The following RFX8 variants were observed in gnomAD, a reference collection of about 807,000 sequenced individuals.
The protein encoded by RFX8 is DNA-binding protein RFX8.
In RFX8, 46 loss-of-function variants were observed where a neutral mutation model predicts 54.6. The ratio of observed to expected loss-of-function variants is 0.84; its 90% CI spans 0.67 to 1.08. The LOEUF (loss-of-function observed/expected upper bound fraction) is 1.08, where lower values mean the gene tolerates loss of function less well. Ranked by LOEUF, RFX8 falls within the 50% of genes least tolerant of loss-of-function variation. The pLI, the probability that RFX8 is intolerant of heterozygous loss-of-function variation, is 0.00. For missense variants in RFX8, 536 were observed against 562.3 expected, an observed-to-expected ratio of 0.95 and a Z score of 0.47; for synonymous variants, 192 against 209.5, an observed-to-expected ratio of 0.92 and a Z score of 0.72.
chr2:101,411,495 G>A (rs961306681), intron 8 of RFX8, among the ~76,000 whole-genome samples: 1 of 9,350 alleles, frequency 1.1e-4, no homozygotes, highest in Non-Finnish European at 4.3e-3. Context: ...GAAGGCACCG[G>A]GCGGGGGAGG....
intron 2 of RFX8, among the ~76,000 whole-genome samples, chr2:101,431,858 G>T (rs938997874): frequency 6.6e-6 from 1 of 152,182 alleles, no homozygotes. Context: ...CTGAAGGGAC[G>T]TGCCTGCCAT....
Position 101,466,743 on chromosome 2 carries a change from G to C in RFX8, c.72+34C>G, listed in dbSNP as rs1360856039. The C allele has an allele frequency of 2.1e-6, 3 of 1,456,320 alleles. No homozygotes were observed. In the Admixed American group the frequency reaches 6.0e-5, roughly 29 times the overall value. 90.2% of individuals were successfully genotyped at this position (1,456,320 alleles called of 1,614,324 possible). A position where few individuals can be genotyped will look rare whatever the true frequency, so the allele number is the denominator to read the frequency against. The stretch of plus-strand genomic sequence containing the variant: ...AACTTGCTTCCCTTTTTTGCACTCA[G>C]TGAATAGAGCGTTCTTAATCTTCAA... On this transcript the variant is annotated intron_variant, in intron 2 of 11. Transcript: ENST00000428343.
At chr2:101,400,304 C>T (rs1399224523) in intron 11 of RFX8, among the ~76,000 whole-genome samples, 2 of 152,174 alleles carry the variant, frequency 1.3e-5, no homozygotes, top group African/African-American at 4.8e-5. Context: ...TTAGCAAGAA[C>T]CCTGCTGAGT....
Position 101,464,845 on chromosome 2 carries a change from A to AAAGAACTTTTTGCTATGTTTG in RFX8, c.72+1931_72+1932insCAAACATAGCAAAAAGTTCTT, listed in dbSNP as rs569738385. On this transcript the variant is annotated intron_variant, in intron 2 of 11. Transcript: ENST00000428343. ...TAAAAAGATCTTTAAAAGTTCGTGG[A>AAAGAACTTTTTGCTATGTTTG]AAAGAGTTTTTGCTATGTTAGAAAA... 2.7e-3 allele frequency among the ~76,000 whole-genome samples: 405 copies of AAAGAACTTTTTGCTATGTTTG among 152,278 alleles called. 11 individuals carry two copies. The East Asian group carries it at 0.055, about 21-fold the overall frequency.
intron 2 of RFX8, among the ~76,000 whole-genome samples, chr2:101,439,596 C>CTTTTTTTTTTTTTTTTTTTTTT (rs139433618): frequency 7.0e-6 from 1 of 143,604 alleles, no homozygotes; most frequent in African/African-American, 2.6e-5. Flanking sequence ...GATTGAAGTT[C>CTTTTTTTTTTTTTTTTTTTTTT]ATTTTTTTTT....
intron 2 of RFX8, among the ~76,000 whole-genome samples, chr2:101,422,776 T>C (rs1686939231): frequency 6.6e-6 from 1 of 152,234 alleles, no homozygotes; most frequent in South Asian, 2.1e-4. Context: ...AATAAGACTA[T>C]TATCTATGAA....
intron 5 of RFX8, 69 bp downstream of exon 5, chr2:101,418,782 G>A: frequency 2.2e-6 from 2 of 915,556 alleles, no homozygotes; most frequent in South Asian, 2.8e-5. Context: ...TGGAGCTGTG[G>A]GTCCAAACCC....
intron 1 of RFX8, among the ~76,000 whole-genome samples, chr2:101,473,415 TC>T (rs893935348): frequency 1.9e-4 from 29 of 152,234 alleles, no homozygotes; most frequent in Admixed American, 1.3e-3. Flanking sequence ...TGATTTTTTT[TC>T]CTCTCATTGA....
intron 2 of RFX8, among the ~76,000 whole-genome samples, chr2:101,437,037 T>G (rs1687818259): frequency 6.6e-6 from 1 of 152,220 alleles, no homozygotes; most frequent in Non-Finnish European, 1.5e-5. Context: ...TGTGGGATAC[T>G]TCATGGGGCC....
rs1399205083 is a variant in RFX8, at chr2:101,432,269, CAG to C, written c.73-9799_73-9798del. ...AAGAACCACAAAAATATTCAGGTGACAGGGGATTAGGAGGCAATAACATAGTT... is the reference window on the plus strand; with the variant it reads ...AAGAACCACAAAAATATTCAGGTGACGGGATTAGGAGGCAATAACATAGTT... On this transcript the variant is annotated intron_variant, in intron 2 of 11. Transcript: ENST00000428343. Among the ~76,000 whole-genome samples, 8 of 152,258 alleles carry C rather than the reference CAG, an allele frequency of 5.3e-5. No homozygotes were observed. The South Asian group carries it at 1.2e-3, about 24-fold the overall frequency.
chr2:101,432,111 G>A (rs1687518723), intron 2 of RFX8, among the ~76,000 whole-genome samples: 1 of 152,146 alleles, frequency 6.6e-6, no homozygotes, highest in Non-Finnish European at 1.5e-5. Flanking sequence ...TCAAACGAAT[G>A]GCAAGGCTGT....
intron 2 of RFX8, among the ~76,000 whole-genome samples, chr2:101,428,678 A>G (rs1225345545): frequency 6.6e-6 from 1 of 152,224 alleles, no homozygotes; most frequent in South Asian, 2.1e-4. Context: ...ATTTATTGCC[A>G]ACAGCCTATA....
chr2:101,441,525 G>A (rs1444466047), intron 2 of RFX8, among the ~76,000 whole-genome samples: 2 of 152,186 alleles, frequency 1.3e-5, no homozygotes, highest in Non-Finnish European at 2.9e-5. Context: ...GGCCCTCACT[G>A]GATGTGGCCC....
At chr2:101,461,073 C>T (rs1372688734) in intron 2 of RFX8, among the ~76,000 whole-genome samples, 1 of 151,270 alleles carries the variant, frequency 6.6e-6, no homozygotes, top group Non-Finnish European at 1.5e-5. Flanking sequence ...TCGAGACCAT[C>T]CTGGTTAACA....
chr2:101,413,897 C>T (rs1170338676), intron 7 of RFX8, among the ~76,000 whole-genome samples: 1 of 152,074 alleles, frequency 6.6e-6, no homozygotes, highest in East Asian at 1.9e-4. Flanking sequence ...GAGGATGGGG[C>T]CCAGCTCGGG....
intron 8 of RFX8, among the ~76,000 whole-genome samples, chr2:101,412,043 G>A (rs1018160336): frequency 2.0e-5 from 3 of 152,244 alleles, no homozygotes; most frequent in South Asian, 2.1e-4. Context: ...GGAACTGAGC[G>A]GGCAGCTGTA....
chr2:101,409,836 C>T lies in RFX8; in HGVS notation c.813+783G>A, dbSNP rs562039428. Among the ~76,000 whole-genome samples, 5 of 152,172 alleles carry T rather than the reference C, an allele frequency of 3.3e-5. No individual in the cohort carries two copies. In the East Asian group the frequency reaches 7.7e-4, roughly 24 times the overall value. ...TTTAACCTGCAGCCCCTAGCTCTCC[C>T]CACCTGCCCTGAGCCCATGGAGTGA... On this transcript the variant is annotated intron_variant, in intron 9 of 11. Coordinates refer to ENST00000428343, the MANE Select transcript of RFX8 (RefSeq NM_001145664.2).
rs1558834139 is a variant in RFX8, at chr2:101,402,744, G to A, written c.937C>T (p.His313Tyr). 2 of 1,543,404 alleles carry A rather than the reference G, an allele frequency of 1.3e-6. No homozygotes were observed. The highest frequency in any genetic ancestry group is 1.8e-6 in the Non-Finnish European group (2 of 1,140,406). ...TCCAAAAGCAACAAGTGAAACAGAT[G>A]CCAGGAGCCTACATTTAGATAATAA... ...LCHRDSFGSW[H>Y]LFHLLLLEYM... Residue 313 changes from histidine to tyrosine, a missense_variant, in exon 11 of 12, where the codon CAT (histidine) becomes TAT (tyrosine). Transcript: ENST00000428343.
At chr2:101,421,815 C>T in intron 3 of RFX8, 38 bp from the exon 4 acceptor site, 1 of 1,454,844 alleles carries the variant, frequency 6.9e-7, no homozygotes, top group Non-Finnish European at 9.4e-7. Flanking sequence ...GCATGTGGGC[C>T]TTTTCAATAA....
Sources: allele counts gnomAD v4.1 joint callset (sites outside exome capture counted in the v4.1 genomes callset), GRCh38; gene constraint gnomAD v4.1.1; transcripts MANE v1.5; gene names NCBI Gene and HGNC (gene_info 2026-07-23, HGNC 2026-07-21).